KDM4C: variants seen among roughly 807,000 people sequenced by gnomAD.
KDM4C encodes lysine demethylase 4C, also known as lysine-specific demethylase 4C.
In KDM4C, 81 loss-of-function variants were observed where a neutral mutation model predicts 129.3. That is an observed-to-expected ratio of 0.63 (90% confidence interval 0.52 to 0.75). The LOEUF is 0.75. KDM4C is among the 30% of genes least tolerant of loss of function. The pLI, the probability that KDM4C is intolerant of heterozygous loss-of-function variation, is 0.00. For synonymous variants in KDM4C, 573 were observed against 456.1 expected, an observed-to-expected ratio of 1.26 and a Z score of -3.26; for missense variants, 1,457 against 1,304.0, an observed-to-expected ratio of 1.12 and a Z score of -1.81.
rs1234841054 is a variant in KDM4C, at chr9:6,939,979, T to TTCCTTCCTTCCTTCCC, written c.922-40931_922-40930insCTCCTTCCTTCCTTCC. On this transcript the variant is annotated intron_variant, in intron 8 of 21. Coordinates refer to ENST00000381309, the MANE Select transcript of KDM4C (RefSeq NM_015061.6). Reference sequence around the variant, plus strand: ...TAACCAACCTACCTACCTACCTACCTTCCTTCCTTCCTTCCTTCCTTCCTT... The same window carrying TTCCTTCCTTCCTTCCC: ...TAACCAACCTACCTACCTACCTACCTTCCTTCCTTCCTTCCCTCCTTCCTTCCTTCCTTCCTTCCTT... Among the ~76,000 whole-genome samples the TTCCTTCCTTCCTTCCC allele has an allele frequency of 3.7e-5, 3 of 80,294 alleles. No homozygotes were observed. The East Asian group carries it at 1.1e-3, about 29-fold the overall frequency. The allele number at this position is 80,294 out of a possible 152,430, so 52.7% of individuals were successfully genotyped here. A position where few individuals can be genotyped will look rare whatever the true frequency, so the allele number is the denominator to read the frequency against.
At chr9:6,728,197 C>T (rs1817204323) in intron 1 of KDM4C, among the ~76,000 whole-genome samples, 2 of 151,932 alleles carry the variant, frequency 1.3e-5, no homozygotes, top group Non-Finnish European at 2.9e-5. Flanking sequence ...TTGCTTCTTG[C>T]CATTGGTGGG....
At chr9:6,911,947 A>G (rs1819395671) in intron 8 of KDM4C, among the ~76,000 whole-genome samples, 1 of 152,220 alleles carries the variant, frequency 6.6e-6, no homozygotes, top group African/African-American at 2.4e-5. Context: ...TTGCTCCCCT[A>G]CTTTTGCCCA....
chr9:6,864,114 G>C (rs545885655), intron 5 of KDM4C, among the ~76,000 whole-genome samples: 2 of 152,160 alleles, frequency 1.3e-5, no homozygotes. Flanking sequence ...TTTTCTTCTT[G>C]CATGTTAGTG....
intron 1 of KDM4C, among the ~76,000 whole-genome samples, chr9:6,722,312 G>A (rs1480907440): frequency 6.6e-6 from 1 of 152,120 alleles, no homozygotes; most frequent in Non-Finnish European, 1.5e-5. Flanking sequence ...ACTAGACAGT[G>A]TGGGCTGGGT....
At chr9:7,036,618 C>G (rs1353687514) in intron 15 of KDM4C, among the ~76,000 whole-genome samples, 2 of 152,106 alleles carry the variant, frequency 1.3e-5, no homozygotes, top group Non-Finnish European at 2.9e-5. Flanking sequence ...AGTAAGTTTA[C>G]TTGGTTAGTG....
In KDM4C at chr9:7,010,115, C is replaced by G. The variant is rs562349017; in HGVS notation, c.1787-1583C>G. The stretch of plus-strand genomic sequence containing the variant: ...TTAAATCATAAATGCATAAAATTAG[C>G]TGTAGTATATCCTATGCTATAATAA... On this transcript the variant is annotated intron_variant, in intron 12 of 21. Coordinates refer to ENST00000381309, the MANE Select transcript of KDM4C (RefSeq NM_015061.6). 9.2e-5 allele frequency among the ~76,000 whole-genome samples: 14 copies of G among 152,198 alleles called. No homozygotes were observed. In the South Asian group the frequency reaches 1.9e-3, roughly 20 times the overall value.
chr9:7,168,817 C>A (rs1417014399), intron 20 of KDM4C, among the ~76,000 whole-genome samples: 1 of 152,126 alleles, frequency 6.6e-6, no homozygotes, highest in Non-Finnish European at 1.5e-5. Flanking sequence ...GTAATCCCAA[C>A]ACTTTGGGAG....
chr9:6,733,530 G>C (rs1321972628), intron 1 of KDM4C, among the ~76,000 whole-genome samples: 1 of 152,180 alleles, frequency 6.6e-6, no homozygotes, highest in African/African-American at 2.4e-5. Context: ...CTTGCGTTTG[G>C]CTTTTGGTAT....
upstream of KDM4C, among the ~76,000 whole-genome samples, chr9:6,755,500 A>T (rs1046551082): frequency 2.0e-5 from 3 of 152,192 alleles, no homozygotes; most frequent in African/African-American, 7.2e-5. Context: ...GTGAGCCGAT[A>T]TGGCGCCACT....
chr9:7,100,461 G>C (rs939322000), intron 17 of KDM4C, among the ~76,000 whole-genome samples: 4 of 151,832 alleles, frequency 2.6e-5, no homozygotes, highest in African/African-American at 9.7e-5. Context: ...TGCCTCAGCC[G>C]CCCGAGTAGC....
At chr9:7,089,204 C>T (rs577758424) in intron 17 of KDM4C, among the ~76,000 whole-genome samples, 4 of 152,056 alleles carry the variant, frequency 2.6e-5, no homozygotes, top group South Asian at 2.1e-4. Flanking sequence ...GGTTGAATAA[C>T]GTAAAAAAAT....
intron 8 of KDM4C, among the ~76,000 whole-genome samples, chr9:6,906,659 C>G (rs889238773): frequency 6.6e-6 from 1 of 152,164 alleles, no homozygotes; most frequent in African/African-American, 2.4e-5. Context: ...CCGGGCTGGT[C>G]TCGAACTCCT....
At chr9:6,886,484 T>G (rs1374954216) in intron 6 of KDM4C, among the ~76,000 whole-genome samples, 2 of 146,102 alleles carry the variant, frequency 1.4e-5, no homozygotes, top group Non-Finnish European at 1.5e-5. Flanking sequence ...GCCTAATTTT[T>G]TTTTTTCTTT....
chr9:6,881,595 G>A lies in KDM4C; in HGVS notation c.679+1534G>A, dbSNP rs532118359. Among the ~76,000 whole-genome samples, 141 of 152,272 alleles carry A rather than the reference G, an allele frequency of 9.3e-4. 1 individual carries two copies. Among genetic ancestry groups the A allele is most frequent in the African/African-American group, 3.2e-3 (133 of 41,570 alleles). ...GTAAACCTTACAATATTGAGTCACA[G>A]ACTAAAATTTCTGATATAAACTTCT... On this transcript the variant is annotated intron_variant, in intron 6 of 21. Transcript: ENST00000381309.
chr9:6,892,724 A>G (rs1433178892), intron 7 of KDM4C, among the ~76,000 whole-genome samples: 1 of 152,194 alleles, frequency 6.6e-6, no homozygotes, highest in Non-Finnish European at 1.5e-5. Flanking sequence ...CAGTTATTAT[A>G]TGATTTTTAT....
chr9:7,141,624 G>T (rs1045041773), intron 19 of KDM4C, among the ~76,000 whole-genome samples: 1 of 152,158 alleles, frequency 6.6e-6, no homozygotes, highest in Non-Finnish European at 1.5e-5. Flanking sequence ...CTGTCATTGA[G>T]ATAGGGAACT....
chr9:6,966,211 C>G (rs1009279074), intron 8 of KDM4C, among the ~76,000 whole-genome samples: 10 of 151,918 alleles, frequency 6.6e-5, no homozygotes, highest in Non-Finnish European at 1.3e-4. Flanking sequence ...TAGACGGAGT[C>G]TCGCTCTGTC....
intron 4 of KDM4C, among the ~76,000 whole-genome samples, chr9:6,827,460 A>G (rs1221013577): frequency 6.6e-6 from 1 of 152,220 alleles, no homozygotes; most frequent in Non-Finnish European, 1.5e-5. Context: ...TTTCACACCA[A>G]GGTGTTAGAC....
At position 6,721,559 on chromosome 9, in the gene KDM4C, C is replaced by T. The variant is rs1012164285; in HGVS notation, c.49+562C>T. Among the ~76,000 whole-genome samples the T allele has an allele frequency of 4.0e-4, 60 of 150,500 alleles. 1 individual carries two copies. The highest frequency in any genetic ancestry group is 1.2e-3 in the African/African-American group (50 of 40,986). ...TCGGCCTCCCAAAGTGCTGGGATTACAGGCATGAGCCACCATGCCCGGCCC... is the reference window on the plus strand; with the variant it reads ...TCGGCCTCCCAAAGTGCTGGGATTATAGGCATGAGCCACCATGCCCGGCCC... On this transcript the variant is annotated intron_variant, in intron 1 of 17. Coordinates refer to the KDM4C transcript ENST00000536108.
Sources: allele counts gnomAD v4.1 joint callset (sites outside exome capture counted in the v4.1 genomes callset), GRCh38; gene constraint gnomAD v4.1.1; transcripts MANE v1.5; gene names NCBI Gene and HGNC (gene_info 2026-07-23, HGNC 2026-07-21).